The following KIAA0825 variants were observed in gnomAD, a reference collection of about 807,000 sequenced individuals.
The protein encoded by KIAA0825 is KIAA0825, also known as uncharacterized protein KIAA0825.
In KIAA0825, 119 loss-of-function variants were observed where a neutral mutation model predicts 147.6. The ratio of observed to expected loss-of-function variants is 0.81; its 90% CI spans 0.69 to 0.94. The LOEUF is 0.94. KIAA0825 is among the 40% of genes least tolerant of loss of function. The probability of loss-of-function intolerance (pLI) is 0.00; values close to 1 mark genes in which losing one functional copy is unlikely to be tolerated. For synonymous variants in KIAA0825, 470 were observed against 518.1 expected, an observed-to-expected ratio of 0.91 and a Z score of 1.26; for missense variants, 1,381 against 1,472.7, an observed-to-expected ratio of 0.94 and a Z score of 1.02.
chr5:94,289,923 G>GT (rs1777814316), intron 20 of KIAA0825, among the ~76,000 whole-genome samples: 1 of 147,602 alleles, frequency 6.8e-6, no homozygotes. Flanking sequence ...GGTGTGTGCT[G>GT]TAAAAAAAAA....
At chr5:94,429,175 C>T (rs570143918) in intron 14 of KIAA0825, among the ~76,000 whole-genome samples, 22 of 152,236 alleles carry the variant, frequency 1.4e-4, no homozygotes, top group Non-Finnish European at 2.2e-4. Context: ...GCTTTCAATT[C>T]GTTCTTCTGT....
At chr5:94,376,312 C>A (rs1747564776) in intron 20 of KIAA0825, among the ~76,000 whole-genome samples, 1 of 152,120 alleles carries the variant, frequency 6.6e-6, no homozygotes, top group African/African-American at 2.4e-5. Flanking sequence ...AAGACTTCAT[C>A]TTGGGGCTCT....
chr5:94,591,456 A>G (rs1042781429), intron 1 of KIAA0825, among the ~76,000 whole-genome samples: 4 of 152,244 alleles, frequency 2.6e-5, no homozygotes, highest in African/African-American at 9.6e-5. Context: ...TTAAATGTCT[A>G]CAAAACTATG....
chr5:94,459,072 C>T (rs1189877183), intron 12 of KIAA0825, among the ~76,000 whole-genome samples: 1 of 152,074 alleles, frequency 6.6e-6, no homozygotes, highest in Non-Finnish European at 1.5e-5. Flanking sequence ...TAGAATCAAA[C>T]AATGTGTGGG....
chr5:94,384,320 C>A (rs1274676816), intron 20 of KIAA0825, 48 bp downstream of exon 20: 3 of 1,400,278 alleles, frequency 2.1e-6, no homozygotes, highest in Non-Finnish European at 3.0e-6. Flanking sequence ...CACGCACACA[C>A]ACAACCTTGT....
At chr5:94,466,357 A>G (rs562319067) in intron 10 of KIAA0825, among the ~76,000 whole-genome samples, 2 of 152,172 alleles carry the variant, frequency 1.3e-5, no homozygotes, top group Non-Finnish European at 2.9e-5. Flanking sequence ...TGGGCATCAA[A>G]ATGTCAGAGT....
intron 20 of KIAA0825, among the ~76,000 whole-genome samples, chr5:94,367,042 G>A (rs1315071129): frequency 6.6e-6 from 1 of 152,218 alleles, no homozygotes; most frequent in Non-Finnish European, 1.5e-5. Context: ...TTTAAATAAG[G>A]AAGAGGAACA....
chr5:94,277,178 C>A (rs936331441), intron 20 of KIAA0825, among the ~76,000 whole-genome samples: 60 of 152,050 alleles, frequency 3.9e-4, no homozygotes, highest in Non-Finnish European at 1.8e-4. Context: ...CCCAGGCGAG[C>A]AATACCAGAA....
intron 1 of KIAA0825, among the ~76,000 whole-genome samples, chr5:94,611,194 T>C (rs1202420728): frequency 6.6e-6 from 1 of 152,054 alleles, no homozygotes; most frequent in Non-Finnish European, 1.5e-5. Context: ...CCAGGAAGCA[T>C]GATAAAAAGA....
chr5:94,446,705 T>C (rs1757770523), intron 13 of KIAA0825, among the ~76,000 whole-genome samples: 1 of 152,174 alleles, frequency 6.6e-6, no homozygotes, highest in Admixed American at 6.6e-5. Context: ...GCTAGTTTTT[T>C]GTACATATTT....
At chr5:94,487,225 A>T (rs555904233) in intron 5 of KIAA0825, among the ~76,000 whole-genome samples, 38 of 152,296 alleles carry the variant, frequency 2.5e-4, no homozygotes, top group African/African-American at 7.5e-4. Flanking sequence ...TTTATAACTA[A>T]ATAATGTAAG....
chr5:94,258,808 T>A (rs1222070755), intron 20 of KIAA0825, among the ~76,000 whole-genome samples: 1 of 151,976 alleles, frequency 6.6e-6, no homozygotes, highest in Non-Finnish European at 1.5e-5. Flanking sequence ...GACAGGATGA[T>A]CTAATTCCAG....
intron 20 of KIAA0825, among the ~76,000 whole-genome samples, chr5:94,276,360 A>G (rs1777221084): frequency 6.6e-6 from 1 of 152,004 alleles, no homozygotes; most frequent in South Asian, 2.1e-4. Context: ...TTCTTTTTTT[A>G]ACTAATGCAG....
chr5:94,524,113 A>C lies in KIAA0825; in HGVS notation c.132-15T>G, dbSNP rs1220775343. 6.4e-7 allele frequency: 1 copy of C among 1,574,102 alleles called. No individual in the cohort carries two copies. The highest frequency in any genetic ancestry group is 8.7e-7 in the Non-Finnish European group (1 of 1,155,098). ...AATGTTTTATGCTATAAAAAACAGAAGAAAAAGTTATTTTGGCAGGATATA... is the reference window on the plus strand; with the variant it reads ...AATGTTTTATGCTATAAAAAACAGACGAAAAAGTTATTTTGGCAGGATATA... On this transcript the variant is annotated splice_polypyrimidine_tract_variant and intron_variant, in intron 3 of 20. Coordinates refer to ENST00000682413, the MANE Select transcript of KIAA0825 (RefSeq NM_001145678.3).
chr5:94,601,085 A>T (rs1181319635), intron 1 of KIAA0825, among the ~76,000 whole-genome samples: 1 of 152,082 alleles, frequency 6.6e-6, no homozygotes, highest in African/African-American at 2.4e-5. Flanking sequence ...TGCTCTACTA[A>T]AGTAGAGCAG....
intron 5 of KIAA0825, among the ~76,000 whole-genome samples, chr5:94,514,808 G>A (rs1766976108): frequency 1.3e-5 from 2 of 152,008 alleles, no homozygotes; most frequent in Non-Finnish European, 2.9e-5. Context: ...TCTTTGGTTT[G>A]AGGGCCTTGG....
rs1192480725 is a variant in KIAA0825, at chr5:94,582,428, C to G, written c.-2+5G>C. The stretch of plus-strand genomic sequence containing the variant: ...ACTCAAAATATGAAGAAAAACATTT[C>G]TTACCTAATTTTATTTCAGAAGACA... On this transcript the variant is annotated splice_donor_5th_base_variant and intron_variant, in intron 2 of 20. Transcript: ENST00000682413. The G allele has an allele frequency of 1.3e-5, 2 of 152,172 alleles. No individual in the cohort carries two copies. Among genetic ancestry groups the G allele is most frequent in the Non-Finnish European group, 2.9e-5 (2 of 68,028 alleles). 9.4% of individuals were successfully genotyped at this position (152,172 alleles called of 1,614,324 possible).
In KIAA0825 at chr5:94,554,238, C is replaced by A. The variant is rs561100893; in HGVS notation, c.-1-17111G>T. 2.0e-5 allele frequency among the ~76,000 whole-genome samples: 3 copies of A among 152,210 alleles called. No homozygotes were observed. In the East Asian group the frequency reaches 5.8e-4, roughly 30 times the overall value. ...TTACTCAACAAAAGATGTCTGAGACCAACTCAGACATCTTTATGGCATGCC... is the reference window on the plus strand; with the variant it reads ...TTACTCAACAAAAGATGTCTGAGACAAACTCAGACATCTTTATGGCATGCC... On this transcript the variant is annotated intron_variant, in intron 2 of 20. Transcript: ENST00000682413.
At chr5:94,560,733 T>G (rs999687971) in intron 2 of KIAA0825, among the ~76,000 whole-genome samples, 1 of 152,194 alleles carries the variant, frequency 6.6e-6, no homozygotes, top group Non-Finnish European at 1.5e-5. Flanking sequence ...GACATTTACC[T>G]CCGTCTGCAA....
Sources: gnomAD v4.1 joint callset for allele counts (sites outside exome capture counted in the v4.1 genomes callset) on GRCh38, gnomAD v4.1.1 for gene constraint, MANE v1.5 for transcripts, NCBI Gene and HGNC (gene_info 2026-07-23, HGNC 2026-07-21) for gene names.